Variants in LRWD1 observed in about 807,000 individuals in gnomAD.
LRWD1 encodes leucine rich repeats and WD repeat domain containing 1, also known as leucine-rich repeat and WD repeat-containing protein 1.
LRWD1 carries 76 observed loss-of-function variants against 75.6 expected under a neutral mutation model. The ratio of observed to expected loss-of-function variants is 1.01; its 90% CI spans 0.84 to 1.22. LRWD1 has a LOEUF of 1.22. LRWD1 is among the 50% of genes most tolerant of loss of function. The pLI is 0.00. For missense variants in LRWD1, 917 were observed against 862.0 expected (o/e 1.06, Z -0.80); for synonymous variants, 487 against 377.0 (o/e 1.29, Z -3.38).
Position 102,468,367 on chromosome 7 carries a change from C to G in LRWD1, c.909C>G (p.Ala303=). Residue 303 remains alanine, a synonymous_variant, in exon 7 of 15, where the codon GCC becomes GCG. Coordinates refer to ENST00000292616, the MANE Select transcript of LRWD1 (RefSeq NM_152892.3). The part of the protein sequence containing the change: ...TQLWACAFEP[A]WEEGATSQTV... ...TGTGGGCCTGTGCCTTCGAGCCGGCCTGGGAGGAGGGTACATGGTGGCGGG... is the reference window on the plus strand; with the variant it reads ...TGTGGGCCTGTGCCTTCGAGCCGGCGTGGGAGGAGGGTACATGGTGGCGGG... 1 of 1,607,198 alleles carries G rather than the reference C, an allele frequency of 6.2e-7. No individual in the cohort carries two copies. The highest frequency in any genetic ancestry group is 8.5e-7 in the Non-Finnish European group (1 of 1,177,390).
Position 102,473,129 on chromosome 7 carries a change from T to G in LRWD1, c.*80T>G. 7.0e-7 allele frequency: 1 copy of G among 1,430,698 alleles called. No individual in the cohort carries two copies. The allele number at this position is 1,430,698 out of a possible 1,614,324, so 88.6% of individuals were successfully genotyped here. ...GGCCGATGGGGGTGGGGGGGGGTCT[T>G]TCAGTGAATATTTTTATTAAACTCT... is the stretch of plus-strand genomic sequence containing the variant. On this transcript the variant is annotated 3_prime_UTR_variant, in exon 15 of 15. Transcript: ENST00000292616.
intron 9 of LRWD1, 114 bp downstream of exon 9, chr7:102,469,176 CAG>C (rs1366882347): frequency 1.1e-6 from 1 of 885,490 alleles, no homozygotes; most frequent in African/African-American, 1.7e-5. Flanking sequence ...TGCCGGGCCC[CAG>C]TCTGCACCGC....
At position 102,472,589 on chromosome 7, in the gene LRWD1, TC is replaced by T; in HGVS notation, c.1671del (p.Ser558ArgfsTer29). The T allele has an allele frequency of 6.2e-7, 1 of 1,608,778 alleles. No individual in the cohort carries two copies. The highest frequency in any genetic ancestry group is 8.5e-7 in the Non-Finnish European group (1 of 1,177,610). On this transcript the variant is annotated frameshift_variant, in exon 13 of 15. Transcript: ENST00000292616. LOFTEE classifies it high-confidence loss of function. ...LQWSSTELAYFSLSACPDKGI... is the reference protein window; with the variant it reads ...LQWSSTELAYXSLSACPDKGI... The stretch of plus-strand genomic sequence containing the variant: ...TGGTCGTCCACCGAGTTGGCCTACT[TC>T]TCGCTCAGCGCCTGCCCTGGTGAGC...
Position 102,468,372 on chromosome 7 carries a change from A to AG in LRWD1, c.916dup (p.Glu306GlyfsTer20), listed in dbSNP as rs1172996152. On this transcript the variant is annotated frameshift_variant, in exon 7 of 15. Coordinates refer to ENST00000292616, the MANE Select transcript of LRWD1 (RefSeq NM_152892.3). LOFTEE classifies it high-confidence loss of function. The stretch of plus-strand genomic sequence containing the variant: ...GCCTGTGCCTTCGAGCCGGCCTGGG[A>AG]GGAGGGTACATGGTGGCGGGCAGGC... The AG allele has an allele frequency of 1.2e-6, 2 of 1,605,548 alleles. No individual in the cohort carries two copies. Among genetic ancestry groups the AG allele is most frequent in the African/African-American group, 1.3e-5 (1 of 74,964 alleles).
At position 102,469,618 on chromosome 7, in the gene LRWD1, C is replaced by A. The variant is rs201681487; in HGVS notation, c.1273C>A (p.Pro425Thr). The A allele has an allele frequency of 5.3e-4, 863 of 1,614,176 alleles. 9 individuals are homozygous for A. The Admixed American group carries it at 0.013, about 25-fold the overall frequency. Residue 425 changes from proline to threonine, a missense_variant, in exon 10 of 15, where the codon CCC becomes ACC. Transcript: ENST00000292616. ...GATCATCCTCTGGGACATCGGGGTG[C>A]CCAACCAGGACTACGAATTCCAGGC... ...KRIILWDIGV[P>T]NQDYEFQASQ...
intron 11 of LRWD1, 199 bp from the exon 12 acceptor site, chr7:102,472,019 C>T (rs75779918): frequency 9.1e-5 from 53 of 580,410 alleles, no homozygotes; most frequent in Non-Finnish European, 1.5e-4. Flanking sequence ...TACTGTGACT[C>T]GGGACACTCA....
chr7:102,465,829 G>A lies in LRWD1; in HGVS notation c.93G>A (p.Leu31=), dbSNP rs777385233. The change falls in exon 2 of 15, where the codon TTG becomes TTA. Residue 31 remains leucine, a synonymous_variant. Coordinates refer to ENST00000292616, the MANE Select transcript of LRWD1 (RefSeq NM_152892.3). ...GKIRSLDLSG[L]ELLSEHLDPK... is the part of the protein sequence containing the mutation. ...CCCCCAACTCCAGCCTGTCAGGATT[G>A]GAGCTGCTTTCCGAGCACCTGGACC... The A allele has an allele frequency of 4.3e-6, 7 of 1,612,998 alleles. No individual in the cohort carries two copies.
At chr7:102,467,175 T>TGTGGGGGGG (rs1798029927) in intron 3 of LRWD1, among the ~76,000 whole-genome samples, 164 bp from the exon 4 acceptor site, 1 of 90,912 alleles carries the variant, frequency 1.1e-5, no homozygotes, top group Non-Finnish European at 2.4e-5. Flanking sequence ...GTGTGGGGTG[T>TGTGGGGGGG]GTGTGTGTGT....
intron 11 of LRWD1, chr7:102,470,490 G>C (rs1394538734): frequency 6.6e-6 from 1 of 152,464 alleles, no homozygotes; most frequent in Non-Finnish European, 1.5e-5. Flanking sequence ...TAGCGTGGGG[G>C]CCTCAGGGGA....
chr7:102,469,903 C>A, intron 11 of LRWD1, 21 bp downstream of exon 11: 1 of 1,503,858 alleles, frequency 6.6e-7, no homozygotes, highest in Non-Finnish European at 8.9e-7. Context: ...GCAGGGGGCG[C>A]CTTGGAAGCC....
chr7:102,468,943 T>C lies in LRWD1; in HGVS notation c.1109T>C (p.Leu370Pro), dbSNP rs762809716. ...KRWSVLAAAG[L>P]RGLVRLLHVR... ...TGGAGTGTGCTGGCGGCTGCAGGCCTACGGGGCCTGGTCCGGCTGCTGCAC... is the reference window on the plus strand; with the variant it reads ...TGGAGTGTGCTGGCGGCTGCAGGCCCACGGGGCCTGGTCCGGCTGCTGCAC... Residue 370 changes from leucine (L) to proline (P), a missense_variant, in exon 9 of 15, where the codon CTA (leucine) becomes CCA (proline). Physicochemically the swap from Leu to Pro is moderately conservative, Grantham distance 98 (BLOSUM62 -3). Coordinates refer to ENST00000292616, the MANE Select transcript of LRWD1 (RefSeq NM_152892.3). 1 of 1,612,746 alleles carries C rather than the reference T, an allele frequency of 6.2e-7. No individual in the cohort carries two copies. Among genetic ancestry groups the C allele is most frequent in the Non-Finnish European group, 8.5e-7 (1 of 1,179,904 alleles).
In LRWD1 at chr7:102,468,963, C is replaced by G; in HGVS notation, c.1129C>G (p.Leu377Val). 1.9e-6 allele frequency: 3 copies of G among 1,612,740 alleles called. No homozygotes were observed. The highest frequency in any genetic ancestry group is 1.7e-6 in the Non-Finnish European group (2 of 1,179,900). The change falls in exon 9 of 15, where the codon CTG becomes GTG. Residue 377 changes from leucine to valine, a missense_variant. Transcript: ENST00000292616. ...AGGCCTACGGGGCCTGGTCCGGCTG[C>G]TGCACGTGCGTGCCGGCTTCTGCTG... ...AAGLRGLVRL[L>V]HVRAGFCCGV... is the part of the protein sequence containing the mutation.
At chr7:102,469,375 C>T (rs1798117741) in intron 9 of LRWD1, among the ~76,000 whole-genome samples, 199 bp from the exon 10 acceptor site, 2 of 152,224 alleles carry the variant, frequency 1.3e-5, no homozygotes, top group Middle Eastern at 3.4e-3. Flanking sequence ...AGGAAGTGGC[C>T]GCTGGAGCCA....
Position 102,472,243 on chromosome 7 carries a change from T to C in LRWD1, c.1468T>C (p.Ser490Pro), listed in dbSNP as rs1272152174. 8 of 1,596,748 alleles carry C rather than the reference T, an allele frequency of 5.0e-6. No individual in the cohort carries two copies. The highest frequency in any genetic ancestry group is 2.3e-5 in the East Asian group (1 of 44,398). The change falls in exon 12 of 15, where the codon TCT (serine) becomes CCT (proline). Residue 490 changes from serine to proline, a missense_variant. Ser to Pro is a moderately conservative substitution (Grantham distance 74). Transcript: ENST00000292616. ...GGTGTGTGAAGTGGAATTCGTCTTC[T>C]CTGAGGGCTCCGAGGCATCTGGACG... ...RRVCEVEFVFSEGSEASGRRV... is the reference protein window; with the variant it reads ...RRVCEVEFVFPEGSEASGRRV...
chr7:102,472,904 A>C lies in LRWD1; in HGVS notation c.1804-5A>C, dbSNP rs759266138. On this transcript the variant is annotated splice_region_variant and splice_polypyrimidine_tract_variant and intron_variant, in intron 14 of 14. Transcript: ENST00000292616. ...CAGCCCAGCCCTCCCCTCTCTCCCC[A>C]CCAGATCCTGAAGTGGCCCCAGCCC... 1.2e-5 allele frequency: 20 copies of C among 1,606,114 alleles called. No homozygotes were observed. Among genetic ancestry groups the C allele is most frequent in the Non-Finnish European group, 1.7e-5 (20 of 1,175,508 alleles).
In LRWD1 at chr7:102,467,166, TGTGGG is replaced by T. The variant is rs1201488945; in HGVS notation, c.433-169_433-165del. ...GCACCTGGGTTGTTGCTGGGGTGTG[TGTGGG>T]GTGTGTGTGTGTGTGTGTGTGTGTG... On this transcript the variant is annotated intron_variant, in intron 3 of 14. Coordinates refer to ENST00000292616, the MANE Select transcript of LRWD1 (RefSeq NM_152892.3). 2.8e-4 allele frequency among the ~76,000 whole-genome samples: 15 copies of T among 53,176 alleles called. 1 individual carries two copies. The highest frequency in any genetic ancestry group is 6.7e-4 in the African/African-American group (11 of 16,494). The allele number at this position is 53,176 out of a possible 152,430, so 34.9% of individuals were successfully genotyped here.
At chr7:102,469,220 G>A (rs1170091321) in intron 9 of LRWD1, among the ~76,000 whole-genome samples, 158 bp downstream of exon 9, 3 of 152,200 alleles carry the variant, frequency 2.0e-5, no homozygotes, top group East Asian at 1.9e-4. Flanking sequence ...AAGCCATGTC[G>A]CTTCAACCCT....
chr7:102,472,494 C>T lies in LRWD1; in HGVS notation c.1575C>T (p.Ser525=), dbSNP rs1448297855. The change falls in exon 13 of 15, where the codon AGC becomes AGT. Residue 525 remains serine (S), a synonymous_variant. Coordinates refer to ENST00000292616, the MANE Select transcript of LRWD1 (RefSeq NM_152892.3). ...GSGLGTICLW[S]WRQTWGGRGS... ...GCCTGGGCACCATCTGCCTGTGGAG[C>T]TGGAGGCAGACGTGGGGGGGCCGGG... 2 of 1,546,182 alleles carry T rather than the reference C, an allele frequency of 1.3e-6. No homozygotes were observed. Among genetic ancestry groups the T allele is most frequent in the Non-Finnish European group, 1.7e-6 (2 of 1,145,398 alleles).
chr7:102,472,466 G>A lies in LRWD1; in HGVS notation c.1547G>A (p.Ser516Asn). The change falls in exon 13 of 15, where the codon AGC (serine) becomes AAC (asparagine). Residue 516 changes from serine to asparagine, a missense_variant. Physicochemically the swap from Ser to Asn is conservative, Grantham distance 46. Coordinates refer to ENST00000292616, the MANE Select transcript of LRWD1 (RefSeq NM_152892.3). ...VNEDIVASKGSGLGTICLWSW... is the reference protein window; with the variant it reads ...VNEDIVASKGNGLGTICLWSW... ...TTCTCCCCCACAGCCTCCAAGGGGAGCGGCCTGGGCACCATCTGCCTGTGG... is the reference window on the plus strand; with the variant it reads ...TTCTCCCCCACAGCCTCCAAGGGGAACGGCCTGGGCACCATCTGCCTGTGG... 1 of 1,536,112 alleles carries A rather than the reference G, an allele frequency of 6.5e-7. No homozygotes were observed. Among genetic ancestry groups the A allele is most frequent in the Non-Finnish European group, 8.8e-7 (1 of 1,138,514 alleles).
Sources: allele counts gnomAD v4.1 joint callset (sites outside exome capture counted in the v4.1 genomes callset), GRCh38; gene constraint gnomAD v4.1.1; transcripts MANE v1.5; gene names NCBI Gene and HGNC (gene_info 2026-07-23, HGNC 2026-07-21).